PARP10: variants seen among roughly 807,000 people sequenced by gnomAD.
PARP10 encodes the protein poly(ADP-ribose) polymerase family member 10, also known as protein mono-ADP-ribosyltransferase PARP10.
PARP10 carries 56 observed loss-of-function variants against 82.4 expected under a neutral mutation model. The observed-to-expected ratio is 0.68, with a 90% CI of 0.55 to 0.85. The LOEUF (loss-of-function observed/expected upper bound fraction) is 0.85, where lower values mean the gene tolerates loss of function less well. PARP10 is among the 40% of genes least tolerant of loss of function. The probability of loss-of-function intolerance (pLI) is 0.00; values close to 1 mark genes in which losing one functional copy is unlikely to be tolerated. For missense variants in PARP10, 1,227 were observed against 1,379.4 expected (o/e 0.89, Z 1.75); for synonymous variants, 576 against 601.1 (o/e 0.96, Z 0.61).
chr8:143,991,288 C>T (rs568380194), upstream of PARP10: 8 of 1,487,742 alleles, frequency 5.4e-6, no homozygotes, highest in East Asian at 4.8e-5. Context: ...CCTGGATATC[C>T]GGGGGGGCCC....
chr8:143,993,589 T>G (rs1834135442), upstream of PARP10, among the ~76,000 whole-genome samples: 1 of 152,220 alleles, frequency 6.6e-6, no homozygotes, highest in South Asian at 2.1e-4. Context: ...TCCCAACTGA[T>G]GGACAGAGAC....
upstream of PARP10, chr8:143,992,448 T>C (rs1162796216): frequency 6.2e-7 from 1 of 1,613,860 alleles, no homozygotes; most frequent in Non-Finnish European, 8.5e-7. Flanking sequence ...CATGGCCCGT[T>C]CCTCTCCCAC....
In PARP10 at chr8:144,008,767, G is replaced by A. The variant is rs2133083775; in HGVS notation, c.-80+3763C>T. Among the ~76,000 whole-genome samples the A allele has an allele frequency of 6.6e-6, 1 of 152,290 alleles. No homozygotes were observed. The highest frequency in any genetic ancestry group is 1.9e-4 in the East Asian group (1 of 5,184). ...CCAAATGGATGTGGATACATTTTTGGATGAATCTCACTCCCAAACTTGTGG... is the reference window on the plus strand; with the variant it reads ...CCAAATGGATGTGGATACATTTTTGAATGAATCTCACTCCCAAACTTGTGG... On this transcript the variant is annotated intron_variant, in intron 1 of 3. Transcript: ENST00000530478. This position sits in a 1 kb window ranked among gnomAD's most constrained non-coding sequence, Gnocchi z 4.0.
Position 143,983,431 on chromosome 8 carries a change from C to T in PARP10, c.2158G>A (p.Glu720Lys). 1 of 1,605,282 alleles carries T rather than the reference C, an allele frequency of 6.2e-7. No individual in the cohort carries two copies. The highest frequency in any genetic ancestry group is 8.5e-7 in the Non-Finnish European group (1 of 1,179,448). The change falls in exon 8 of 11, where the codon GAG (glutamate) becomes AAG (lysine). Residue 720 changes from glutamate to lysine, a missense_variant. Transcript: ENST00000313028. ...GCCCTGAGCGCCCGGTCCAGCTCCT[C>T]CACATCCTGCTCAAAGGCCGAGTGC... ...VVHSAFEQDV[E>K]ELDRALRAAL...
chr8:144,004,685 T>C (rs978198340), intron 1 of PARP10, among the ~76,000 whole-genome samples: 4 of 152,006 alleles, frequency 2.6e-5, no homozygotes, highest in Non-Finnish European at 1.5e-5. Flanking sequence ...GAGCTGAGGG[T>C]TGGGGAGAGG....
At chr8:143,987,218 C>T (rs575406496), upstream of PARP10, 1 of 152,566 alleles carries the variant, frequency 6.6e-6, no homozygotes, top group East Asian at 1.9e-4. Context: ...AGTCCACACT[C>T]CCACTCGCCA....
At chr8:143,986,025 C>A in intron 2 of PARP10, 30 bp downstream of exon 2, 2 of 1,608,734 alleles carry the variant, frequency 1.2e-6, no homozygotes, top group Non-Finnish European at 1.7e-6. Flanking sequence ...ATCAGGGCAC[C>A]CAGGCTGTCC....
upstream of PARP10, chr8:143,992,113 C>T (rs201648034): frequency 7.1e-5 from 114 of 1,604,808 alleles, 1 homozygote; most frequent in Middle Eastern, 2.0e-3. Flanking sequence ...TGCCTGGGTC[C>T]GGCCATGCAG....
At chr8:144,004,369 G>A (rs1440805240) in intron 1 of PARP10, among the ~76,000 whole-genome samples, 1 of 152,182 alleles carries the variant, frequency 6.6e-6, no homozygotes, top group Non-Finnish European at 1.5e-5. Flanking sequence ...ATTGTTTAAT[G>A]GGGACAGTTT....
chr8:143,988,165 T>TC (rs1834026846), upstream of PARP10, among the ~76,000 whole-genome samples: 1 of 139,054 alleles, frequency 7.2e-6, no homozygotes, highest in Non-Finnish European at 1.6e-5. Flanking sequence ...TTTTTTTTTT[T>TC]CTGAGACGGA....
upstream of PARP10, chr8:143,992,527 C>T (rs1554750725): frequency 1.2e-6 from 2 of 1,614,164 alleles, no homozygotes; most frequent in South Asian, 1.1e-5. Flanking sequence ...TGCTCTTCAT[C>T]TTCGCCATTC....
chr8:143,977,598 G>A lies in PARP10; in HGVS notation c.2964C>T (p.Phe988=), dbSNP rs567115922. The A allele has an allele frequency of 3.8e-6, 6 of 1,584,210 alleles. No homozygotes were observed. The highest frequency in any genetic ancestry group is 1.7e-4 in the Middle Eastern group (1 of 6,034). The change falls in exon 11 of 11, where the codon TTC becomes TTT. Residue 988 remains phenylalanine, a synonymous_variant. Coordinates refer to ENST00000313028, the MANE Select transcript of PARP10 (RefSeq NM_032789.5). The stretch of plus-strand genomic sequence containing the variant: ...GCGCCTGGGTGTCGTGGAAGATGAC[G>A]AAGATGCTGGGCTGGCAGATGCAGT... The part of the protein sequence containing the change: ...AVDCICQPSI[F]VIFHDTQALP...
chr8:144,002,206 T>C (rs190130550), intron 1 of PARP10, among the ~76,000 whole-genome samples: 5 of 152,300 alleles, frequency 3.3e-5, no homozygotes, highest in Non-Finnish European at 5.9e-5. Flanking sequence ...ATCTTAATTT[T>C]AAATGTAAAT....
In PARP10 at chr8:143,983,278, G is replaced by T; in HGVS notation, c.2311C>A (p.Leu771Ile). ...GCAGGGTGGGCCCCGAAGCCACGGA[G>T]GATGGTGCAGTCACCACGCAGGGCA... ...SVALRGDCTI[L>I]RGFGAHPARA... Residue 771 changes from leucine to isoleucine, a missense_variant, in exon 8 of 11, where the codon CTC (leucine) becomes ATC (isoleucine). Leu to Ile is a conservative substitution (Grantham distance 5). Transcript: ENST00000313028. 1 of 1,612,942 alleles carries T rather than the reference G, an allele frequency of 6.2e-7. No individual in the cohort carries two copies. Among genetic ancestry groups the T allele is most frequent in the Non-Finnish European group, 8.5e-7 (1 of 1,179,768 alleles).
chr8:144,001,873 C>CGTGTGTGT (rs57117824), intron 1 of PARP10, among the ~76,000 whole-genome samples: 8,350 of 136,408 alleles, frequency 0.061, 905 homozygotes, highest in African/African-American at 0.21. Flanking sequence ...AATATATATA[C>CGTGTGTGT]GTGTGTGTGT....
In PARP10 at chr8:143,985,148, G is replaced by A. The variant is rs782705803; in HGVS notation, c.854C>T (p.Thr285Met). Residue 285 changes from threonine (T) to methionine (M), a missense_variant, in exon 5 of 11, where the codon ACG becomes ATG. Physicochemically the swap from Thr to Met is moderately conservative, Grantham distance 81. Transcript: ENST00000313028. ...HALLRTGGLV[T>M]ALQGAGTVTM... ...CACAGTCCCTGCACCCTGCAGAGCCGTCACCAACCCTCCGGTCCTCAGGAG... is the reference window on the plus strand; with the variant it reads ...CACAGTCCCTGCACCCTGCAGAGCCATCACCAACCCTCCGGTCCTCAGGAG... 3.4e-5 allele frequency: 55 copies of A among 1,614,026 alleles called. No homozygotes were observed. The highest frequency in any genetic ancestry group is 4.0e-5 in the African/African-American group (3 of 74,928).
intron 1 of PARP10, among the ~76,000 whole-genome samples, chr8:144,003,820 G>A (rs1834218209): frequency 6.6e-6 from 1 of 151,658 alleles, no homozygotes; most frequent in Admixed American, 6.6e-5. Context: ...GAGCCCAGGA[G>A]TTCAAGACCA....
chr8:143,981,302 GGTA>G (rs1833843436), intron 9 of PARP10, among the ~76,000 whole-genome samples: 1 of 149,782 alleles, frequency 6.7e-6, no homozygotes, highest in Admixed American at 6.6e-5. Context: ...CGGTGGTGGT[GGTA>G]GTGGTGGTGG....
chr8:143,986,498 C>T, upstream of PARP10: 4 of 1,411,434 alleles, frequency 2.8e-6, no homozygotes, highest in Non-Finnish European at 4.0e-6. Context: ...AGCAGCTGGG[C>T]CCTGGGCGCT....
Sources: allele counts gnomAD v4.1 joint callset (sites outside exome capture counted in the v4.1 genomes callset), GRCh38; gene constraint gnomAD v4.1.1; non-coding constraint Gnocchi (gnomAD v3.1); transcripts MANE v1.5; gene names NCBI Gene and HGNC (gene_info 2026-07-23, HGNC 2026-07-21).